Variants in ADARB2 observed in about 807,000 individuals in gnomAD.
ADARB2 encodes the protein inactive double-stranded RNA-specific editase B2.
A neutral mutation model predicts 62.2 loss-of-function variants in ADARB2; 25 were observed. The ratio of observed to expected loss-of-function variants is 0.40; its 90% CI spans 0.29 to 0.56. The LOEUF (loss-of-function observed/expected upper bound fraction) is 0.56. Among genes scored for constraint, ADARB2 ranks in the 20% least tolerant of loss-of-function variants. The pLI is 0.43. For missense variants in ADARB2, 1,071 were observed against 1,077.4 expected, an observed-to-expected ratio of 0.99 and a Z score of 0.08; for synonymous variants, 572 against 500.8, an observed-to-expected ratio of 1.14 and a Z score of -1.90.
chr10:1,216,832 C>T (rs1830628625), intron 7 of ADARB2, 119 bp downstream of exon 7: 3 of 1,315,466 alleles, frequency 2.3e-6, no homozygotes, highest in South Asian at 2.8e-5. Flanking sequence ...AGGCACAGGG[C>T]CCTGACCGCA....
At chr10:1,547,037 C>T (rs1246524302) in intron 1 of ADARB2, among the ~76,000 whole-genome samples, 2 of 152,210 alleles carry the variant, frequency 1.3e-5, no homozygotes, top group Non-Finnish European at 2.9e-5. Flanking sequence ...AGAAGCCATT[C>T]GTCGAGAGCG....
At position 1,532,437 on chromosome 10, in the gene ADARB2, C is replaced by T. The variant is rs562807492; in HGVS notation, c.101-153277G>A. ...TCCCCGTGTCTGTTCATGGGGCCTTCGGTGTGGGCTCCTGTTTGTGGAGCC... is the reference window on the plus strand; with the variant it reads ...TCCCCGTGTCTGTTCATGGGGCCTTTGGTGTGGGCTCCTGTTTGTGGAGCC... On this transcript the variant is annotated intron_variant, in intron 1 of 9. Coordinates refer to ENST00000381312, the MANE Select transcript of ADARB2 (RefSeq NM_018702.4). Among the ~76,000 whole-genome samples the T allele has an allele frequency of 1.8e-4, 27 of 152,260 alleles. 1 individual carries two copies. In the South Asian group the frequency reaches 3.1e-3, roughly 18 times the overall value.
chr10:1,336,669 T>C (rs1831977045), intron 3 of ADARB2, among the ~76,000 whole-genome samples: 1 of 152,200 alleles, frequency 6.6e-6, no homozygotes, highest in Non-Finnish European at 1.5e-5. Flanking sequence ...CCTCAAGGAA[T>C]AGACATTTCC....
intron 1 of ADARB2, among the ~76,000 whole-genome samples, chr10:1,658,323 GTCTC>G (rs1158389493): frequency 2.7e-5 from 4 of 150,378 alleles, no homozygotes; most frequent in South Asian, 2.1e-4. Flanking sequence ...ATCTGATTCT[GTCTC>G]TCTCTGTCTC....
At chr10:1,243,736 T>G (rs1830950169) in intron 4 of ADARB2, among the ~76,000 whole-genome samples, 1 of 152,246 alleles carries the variant, frequency 6.6e-6, no homozygotes, top group Non-Finnish European at 1.5e-5. Flanking sequence ...AGCTGGGGTC[T>G]GTCTGTCCAG....
intron 3 of ADARB2, among the ~76,000 whole-genome samples, chr10:1,317,607 T>C (rs1831750944): frequency 6.6e-6 from 1 of 152,092 alleles, no homozygotes; most frequent in Non-Finnish European, 1.5e-5. Context: ...GGTGCAGGAG[T>C]TGGCAATGTT....
chr10:1,388,137 T>C (rs1322558162), intron 1 of ADARB2, among the ~76,000 whole-genome samples: 1 of 152,128 alleles, frequency 6.6e-6, no homozygotes, highest in East Asian at 1.9e-4. Context: ...AGATTCAATA[T>C]TGTTGTAATA....
chr10:1,686,557 C>T (rs1482566439), intron 1 of ADARB2, among the ~76,000 whole-genome samples: 4 of 152,182 alleles, frequency 2.6e-5, no homozygotes, highest in East Asian at 1.9e-4. Flanking sequence ...AGTAGCCGAA[C>T]GTTCCCTCGT....
At chr10:1,455,647 T>C (rs1831087286) in intron 1 of ADARB2, among the ~76,000 whole-genome samples, 1 of 152,234 alleles carries the variant, frequency 6.6e-6, no homozygotes, top group Admixed American at 6.5e-5. Context: ...GGATTGTTAC[T>C]TTTTTAAAAA....
At chr10:1,461,599 T>C (rs540901749) in intron 1 of ADARB2, among the ~76,000 whole-genome samples, 6 of 152,338 alleles carry the variant, frequency 3.9e-5, no homozygotes, top group African/African-American at 1.4e-4. Context: ...TCTTGTGCAT[T>C]ACCTGGCCTC....
intron 1 of ADARB2, chr10:1,556,916 T>A: frequency 2.2e-6 from 1 of 464,482 alleles, no homozygotes; most frequent in Non-Finnish European, 4.5e-6. Flanking sequence ...TTCCTATCAC[T>A]ATTTTTGGTG....
chr10:1,186,585 C>A (rs756484394), intron 8 of ADARB2: 1 of 518,644 alleles, frequency 1.9e-6, no homozygotes, highest in Admixed American at 1.9e-5. Flanking sequence ...CTCTCCAGCC[C>A]TTCCTGCCTT....
intron 1 of ADARB2, among the ~76,000 whole-genome samples, chr10:1,620,662 T>A (rs1305933810): frequency 1.3e-5 from 2 of 152,232 alleles, no homozygotes; most frequent in African/African-American, 4.8e-5. Context: ...CACAAAAATA[T>A]CACAAAAAGT....
intron 3 of ADARB2, among the ~76,000 whole-genome samples, chr10:1,336,086 A>T (rs1466145600): frequency 6.6e-6 from 1 of 152,264 alleles, no homozygotes; most frequent in Non-Finnish European, 1.5e-5. Flanking sequence ...AAGAAACTCT[A>T]ATATGCAAAC....
chr10:1,666,815 C>T (rs1834322820), intron 1 of ADARB2, among the ~76,000 whole-genome samples: 1 of 152,186 alleles, frequency 6.6e-6, no homozygotes, highest in Admixed American at 6.5e-5. Flanking sequence ...TGTTTAACGG[C>T]ATCAGCTTTG....
chr10:1,270,873 T>G (rs1180997634), intron 4 of ADARB2, 82 bp downstream of exon 4: 2 of 1,228,078 alleles, frequency 1.6e-6, no homozygotes, highest in African/African-American at 3.0e-5. Flanking sequence ...AGAGAGAGCC[T>G]TTTGGCCTCC....
In ADARB2 at chr10:1,468,791, C is replaced by T. The variant is rs575240202; in HGVS notation, c.101-89631G>A. Among the ~76,000 whole-genome samples the T allele has an allele frequency of 3.9e-5, 6 of 152,376 alleles. No homozygotes were observed. In the East Asian group the frequency reaches 7.7e-4, roughly 20 times the overall value. Reference sequence around the variant, plus strand: ...CGGGGCGTGCATGGCAAAGCTGCCACGGAACAGGTGTGGAGGTGATGGTGA... The same window carrying T: ...CGGGGCGTGCATGGCAAAGCTGCCATGGAACAGGTGTGGAGGTGATGGTGA... On this transcript the variant is annotated intron_variant, in intron 1 of 9. Transcript: ENST00000381312.
rs564769206 is a variant in ADARB2 at position 1,355,628 on chromosome 10, T to G, written c.1077+7400A>C. On this transcript the variant is annotated intron_variant, in intron 3 of 9. Coordinates refer to ENST00000381312, the MANE Select transcript of ADARB2 (RefSeq NM_018702.4). ...TGAAGCTTGGCTCACAGGCCCTGCT[T>G]AACTAATGGACAGTCATATTAACCA... Among the ~76,000 whole-genome samples the G allele has an allele frequency of 2.0e-5, 3 of 152,354 alleles. No individual in the cohort carries two copies. The South Asian group carries it at 6.2e-4, about 32-fold the overall frequency.
chr10:1,448,304 G>A (rs1830995730), intron 1 of ADARB2, among the ~76,000 whole-genome samples: 1 of 152,168 alleles, frequency 6.6e-6, no homozygotes, highest in Non-Finnish European at 1.5e-5. Context: ...CACAGGGTAT[G>A]GCTCCCTTTG....
Sources: gnomAD v4.1 joint callset for allele counts (sites outside exome capture counted in the v4.1 genomes callset) on GRCh38, gnomAD v4.1.1 for gene constraint, MANE v1.5 for transcripts, NCBI Gene and HGNC (gene_info 2026-07-23, HGNC 2026-07-21) for gene names.